Variants in GRK5 observed in about 807,000 individuals in gnomAD.
GRK5 encodes G protein-coupled receptor kinase 5.
A neutral mutation model predicts 78.4 loss-of-function variants in GRK5; 40 were observed. The observed-to-expected ratio is 0.51, with a 90% CI of 0.40 to 0.66. The LOEUF (loss-of-function observed/expected upper bound fraction) is 0.66, where lower values mean the gene tolerates loss of function less well. Ranked by LOEUF, GRK5 falls within the 30% of genes least tolerant of loss-of-function variation. The pLI, the probability that GRK5 is intolerant of heterozygous loss-of-function variation, is 0.00. For synonymous variants in GRK5, 289 were observed against 296.8 expected (o/e 0.97, Z 0.27); for missense variants, 598 against 759.9 (o/e 0.79, Z 2.50).
chr10:119,457,272 T>C lies in GRK5; in HGVS notation c.*2205T>C, dbSNP rs1853413813. Reference sequence around the variant, plus strand: ...TCATAGCAGCTCAGTCCTTACCAGATGGATTCTTGGTGTTGGGAAGCAGCC... The same window carrying C: ...TCATAGCAGCTCAGTCCTTACCAGACGGATTCTTGGTGTTGGGAAGCAGCC... On this transcript the variant is annotated 3_prime_UTR_variant, in exon 16 of 16. Transcript: ENST00000392870. 6.6e-6 allele frequency: 1 copy of C among 152,202 alleles called. No homozygotes were observed. The highest frequency in any genetic ancestry group is 2.4e-5 in the African/African-American group (1 of 41,422). 9.4% of individuals were successfully genotyped at this position (152,202 alleles called of 1,614,324 possible). A position where few individuals can be genotyped will look rare whatever the true frequency, so the allele number is the denominator to read the frequency against.
At chr10:119,236,672 C>A (rs758317397) in intron 1 of GRK5, among the ~76,000 whole-genome samples, 4 of 152,074 alleles carry the variant, frequency 2.6e-5, no homozygotes, top group Non-Finnish European at 4.4e-5. Flanking sequence ...CGGAGTCTTG[C>A]TCTGTTGCTC....
chr10:119,292,089 CTTCTCCTCT>C (rs1849983471), intron 1 of GRK5, among the ~76,000 whole-genome samples: 1 of 130,894 alleles, frequency 7.6e-6, no homozygotes. Flanking sequence ...CTTCCTCCTC[CTTCTCCTCT>C]TCCTCCTTCT....
chr10:119,386,295 C>T (rs978501895), intron 3 of GRK5, among the ~76,000 whole-genome samples: 11 of 152,278 alleles, frequency 7.2e-5, no homozygotes, highest in Admixed American at 3.9e-4. Flanking sequence ...AAAGATGCCC[C>T]GGACCAAGGG....
chr10:119,415,535 G>A (rs754466512), intron 4 of GRK5, among the ~76,000 whole-genome samples: 25 of 152,218 alleles, frequency 1.6e-4, no homozygotes, highest in Admixed American at 1.6e-3. Flanking sequence ...AAGAGTAGCA[G>A]AGACCTGTGA....
intron 12 of GRK5, 31 bp from the exon 13 acceptor site, chr10:119,448,092 G>A: frequency 1.3e-6 from 2 of 1,516,450 alleles, no homozygotes; most frequent in South Asian, 1.3e-5. Context: ...GAGGCCCAGG[G>A]GACGTGGCTT....
Position 119,415,637 on chromosome 10 carries a change from C to T in GRK5, c.340-7529C>T, listed in dbSNP as rs568085862. Among the ~76,000 whole-genome samples, 28 of 152,306 alleles carry T rather than the reference C, an allele frequency of 1.8e-4. No individual in the cohort carries two copies. The South Asian group carries it at 1.9e-3, about 10-fold the overall frequency. Reference sequence around the variant, plus strand: ...GAGAGGAGGCAGTGGGTGGCAGAGACGCCACGGCTGAGATTGCTAGATGTG... The same window carrying T: ...GAGAGGAGGCAGTGGGTGGCAGAGATGCCACGGCTGAGATTGCTAGATGTG... On this transcript the variant is annotated intron_variant, in intron 4 of 15. Transcript: ENST00000392870.
At position 119,333,645 on chromosome 10, in the gene GRK5, A is replaced by G. The variant is rs1197259186; in HGVS notation, c.148+7034A>G. The G allele has an allele frequency of 2.9e-5, 12 of 409,232 alleles. No individual in the cohort carries two copies. The East Asian group carries it at 7.8e-4, about 27-fold the overall frequency. The allele number at this position is 409,232 out of a possible 1,614,324, so 25.4% of individuals were successfully genotyped here. A position where few individuals can be genotyped will look rare whatever the true frequency, so the allele number is the denominator to read the frequency against. On this transcript the variant is annotated intron_variant, in intron 2 of 15. Coordinates refer to ENST00000392870, the MANE Select transcript of GRK5 (RefSeq NM_005308.3). Reference sequence around the variant, plus strand: ...CCCAGCCAGTACTCAAGGCAGGGAGACTACTTAGGTGCTCAAAGGGGTGGA... The same window carrying G: ...CCCAGCCAGTACTCAAGGCAGGGAGGCTACTTAGGTGCTCAAAGGGGTGGA...
chr10:119,394,377 G>T (rs1241372481), intron 3 of GRK5, among the ~76,000 whole-genome samples: 1,503 of 8,192 alleles, frequency 0.18, 243 homozygotes, highest in Middle Eastern at 0.43. Flanking sequence ...TGTGGGTGTC[G>T]GTGTGTGTAT....
chr10:119,292,933 G>A (rs535466377), intron 1 of GRK5, among the ~76,000 whole-genome samples: 3 of 151,822 alleles, frequency 2.0e-5, no homozygotes, highest in African/African-American at 4.8e-5. Context: ...GGCCAACTGC[G>A]TGTTGACTTT....
chr10:119,406,182 A>G (rs1852236145), intron 4 of GRK5, among the ~76,000 whole-genome samples: 1 of 152,206 alleles, frequency 6.6e-6, no homozygotes, highest in Non-Finnish European at 1.5e-5. Context: ...AATATTATCT[A>G]ATTGTGTCCC....
rs537211431 is a variant in GRK5 at position 119,442,612 on chromosome 10, C to A, written c.1057+524C>A. On this transcript the variant is annotated intron_variant, in intron 11 of 15. Coordinates refer to ENST00000392870, the MANE Select transcript of GRK5 (RefSeq NM_005308.3). The stretch of plus-strand genomic sequence containing the variant: ...GAGTTAAGTCCTGTGCCCTAGAATC[C>A]CCCGTCCAATTGGGGGCACGCCCTG... Among the ~76,000 whole-genome samples the A allele has an allele frequency of 2.6e-5, 4 of 152,300 alleles. No homozygotes were observed. In the East Asian group the frequency reaches 5.8e-4, roughly 22 times the overall value.
At chr10:119,376,601 G>C (rs1186365974) in intron 2 of GRK5, among the ~76,000 whole-genome samples, 1 of 104,336 alleles carries the variant, frequency 9.6e-6, no homozygotes, top group Admixed American at 1.3e-4. Context: ...TTTCACTCTT[G>C]TTGCCCAGGC....
chr10:119,331,000 C>A, intron 2 of GRK5, among the ~76,000 whole-genome samples: 1 of 152,324 alleles, frequency 6.6e-6, no homozygotes. Context: ...AGCTTCCAGG[C>A]ATTGCCCTGG....
intron 1 of GRK5, among the ~76,000 whole-genome samples, chr10:119,318,481 G>A (rs1045683931): frequency 1.3e-5 from 2 of 152,126 alleles, no homozygotes; most frequent in Non-Finnish European, 2.9e-5. Flanking sequence ...GGGCTTAAAG[G>A]AACCCAGTAA....
At chr10:119,421,347 G>A (rs1266539457) in intron 4 of GRK5, among the ~76,000 whole-genome samples, 1 of 152,192 alleles carries the variant, frequency 6.6e-6, no homozygotes, top group African/African-American at 2.4e-5. Context: ...AGTCTTAGAG[G>A]CACAAGCCCC....
At position 119,456,285 on chromosome 10, in the gene GRK5, A is replaced by C. The variant is rs1428280372; in HGVS notation, c.*1218A>C. On this transcript the variant is annotated 3_prime_UTR_variant, in exon 16 of 16. Coordinates refer to ENST00000392870, the MANE Select transcript of GRK5 (RefSeq NM_005308.3). This position sits in a 1 kb window ranked among gnomAD's most constrained non-coding sequence, Gnocchi z 5.5. The stretch of plus-strand genomic sequence containing the variant: ...GAGAGACCAAGCCACCAAAGGGCTC[A>C]AGACAAAGTCACTGTTCCTTCCCCA... 1 of 152,304 alleles carries C rather than the reference A, an allele frequency of 6.6e-6. No homozygotes were observed. Among genetic ancestry groups the C allele is most frequent in the African/African-American group, 2.4e-5 (1 of 41,470 alleles). The allele number at this position is 152,304 out of a possible 1,614,324, so 9.4% of individuals were successfully genotyped here.
At chr10:119,276,542 A>G (rs1849672926) in intron 1 of GRK5, among the ~76,000 whole-genome samples, 1 of 152,138 alleles carries the variant, frequency 6.6e-6, no homozygotes, top group Non-Finnish European at 1.5e-5. Flanking sequence ...GCTATTGTGA[A>G]TAGTGCCGCA....
chr10:119,347,387 G>A (rs534179024), intron 2 of GRK5, among the ~76,000 whole-genome samples: 40 of 152,090 alleles, frequency 2.6e-4, no homozygotes, highest in Non-Finnish European at 4.9e-4. Flanking sequence ...ATGTGTGTTT[G>A]CGAGTGTGCA....
At chr10:119,275,613 G>GCACACACACACACACACA (rs796867686) in intron 1 of GRK5, among the ~76,000 whole-genome samples, 3 of 120,678 alleles carry the variant, frequency 2.5e-5, no homozygotes, top group South Asian at 2.7e-4. Context: ...TCTCTCTCTC[G>GCACACACACACACACACA]CACACACACA....
Sources: allele counts gnomAD v4.1 joint callset (sites outside exome capture counted in the v4.1 genomes callset), GRCh38; gene constraint gnomAD v4.1.1; non-coding constraint Gnocchi (gnomAD v3.1); transcripts MANE v1.5; gene names NCBI Gene and HGNC (gene_info 2026-07-23, HGNC 2026-07-21).